ARL15: variants seen among roughly 807,000 people sequenced by gnomAD.
ARL15 encodes ADP-ribosylation factor-like protein 15.
Under a neutral mutation model 25.2 loss-of-function variants are expected in ARL15, and 19 were observed. The ratio of observed to expected loss-of-function variants is 0.75; its 90% CI spans 0.53 to 1.10. The LOEUF (loss-of-function observed/expected upper bound fraction) is 1.10, where lower values mean the gene tolerates loss of function less well. Ranked by LOEUF, ARL15 falls within the 50% of genes least tolerant of loss-of-function variation. The pLI is 0.00. For synonymous variants in ARL15, 94 were observed against 86.8 expected (o/e 1.08, Z -0.46); for missense variants, 220 against 246.0 (o/e 0.89, Z 0.71).
intron 3 of ARL15, among the ~76,000 whole-genome samples, chr5:54,131,757 T>A (rs940558987): frequency 1.3e-5 from 2 of 152,160 alleles, no homozygotes; most frequent in African/African-American, 4.8e-5. Flanking sequence ...ATCACCAGAA[T>A]TACTGAGTAT....
In ARL15 at chr5:54,214,426, T is replaced by C. The variant is rs557999862; in HGVS notation, c.49-42498A>G. ...CTTCCTTTGAAAAATGCTGGAGCTT[T>C]TCACCTCCGCAAAGCTTTTTTCCCT... is the stretch of plus-strand genomic sequence containing the variant. On this transcript the variant is annotated intron_variant, in intron 1 of 4. Transcript: ENST00000504924. Among the ~76,000 whole-genome samples the C allele has an allele frequency of 1.4e-4, 22 of 152,300 alleles. 1 individual carries two copies. In the South Asian group the frequency reaches 4.6e-3, roughly 32 times the overall value.
At chr5:54,107,194 T>A (rs1752614295) in intron 4 of ARL15, among the ~76,000 whole-genome samples, 1 of 152,064 alleles carries the variant, frequency 6.6e-6, no homozygotes, top group African/African-American at 2.4e-5. Flanking sequence ...ACCACGAGAA[T>A]AGCACAGGAA....
intron 4 of ARL15, among the ~76,000 whole-genome samples, chr5:54,088,237 C>T (rs1472089242): frequency 6.6e-6 from 1 of 151,952 alleles, no homozygotes; most frequent in Non-Finnish European, 1.5e-5. Flanking sequence ...ATTGTCAGGA[C>T]AAAGATATGT....
At chr5:53,925,997 CTTTTTTTTTTTTT>C (rs70986651) in intron 4 of ARL15, among the ~76,000 whole-genome samples, 5 of 122,796 alleles carry the variant, frequency 4.1e-5, no homozygotes, top group Non-Finnish European at 8.5e-5. Flanking sequence ...TTTTTTCTTT[CTTTTTTTTTTTTT>C]TTTTTTTTTA....
chr5:54,174,131 T>C (rs555417804), intron 1 of ARL15, among the ~76,000 whole-genome samples: 1 of 152,132 alleles, frequency 6.6e-6, no homozygotes, highest in Non-Finnish European at 1.5e-5. Context: ...TTCATCTCAG[T>C]ACTCCCAGTG....
chr5:53,948,831 G>C (rs1746839703), intron 4 of ARL15, among the ~76,000 whole-genome samples: 1 of 152,112 alleles, frequency 6.6e-6, no homozygotes, highest in African/African-American at 2.4e-5. Context: ...TCACTTCACT[G>C]AGAAGTACTG....
intron 4 of ARL15, among the ~76,000 whole-genome samples, chr5:53,920,128 C>G (rs926190262): frequency 6.6e-6 from 1 of 152,150 alleles, no homozygotes; most frequent in African/African-American, 2.4e-5. Context: ...AAATGGAAGT[C>G]TCATGCTAAA....
chr5:54,297,932 G>A (rs932990766), intron 1 of ARL15, among the ~76,000 whole-genome samples: 5 of 152,168 alleles, frequency 3.3e-5, no homozygotes, highest in South Asian at 2.1e-4. Flanking sequence ...ACAGGTGCAC[G>A]CTGCCACGCC....
chr5:53,992,826 C>A (rs1013446764), intron 4 of ARL15, among the ~76,000 whole-genome samples: 1 of 119,492 alleles, frequency 8.4e-6, no homozygotes, highest in African/African-American at 3.1e-5. Flanking sequence ...TTTGGGAGGC[C>A]GAGGTGGGTC....
At chr5:54,023,070 A>T (rs1749665845) in intron 4 of ARL15, among the ~76,000 whole-genome samples, 1 of 152,212 alleles carries the variant, frequency 6.6e-6, no homozygotes, top group South Asian at 2.1e-4. Context: ...GAACCTGCAG[A>T]CTGAAAAACA....
At chr5:54,115,898 C>CT in intron 3 of ARL15, among the ~76,000 whole-genome samples, 2 of 152,256 alleles carry the variant, frequency 1.3e-5, no homozygotes, top group African/African-American at 4.8e-5. Context: ...CATCTTAGGT[C>CT]CGGTTCCCTA....
intron 4 of ARL15, among the ~76,000 whole-genome samples, chr5:54,065,253 T>A (rs1156506334): frequency 2.0e-5 from 3 of 152,236 alleles, no homozygotes; most frequent in Non-Finnish European, 4.4e-5. Context: ...TAATAATTTG[T>A]CATTAATGCA....
At chr5:54,081,395 T>C (rs546335925) in intron 4 of ARL15, among the ~76,000 whole-genome samples, 15 of 152,154 alleles carry the variant, frequency 9.9e-5, no homozygotes, top group Non-Finnish European at 2.1e-4. Flanking sequence ...AACAGTCCCT[T>C]ACCACCGCTC....
chr5:54,168,158 C>G (rs1395204188), intron 2 of ARL15, among the ~76,000 whole-genome samples: 1 of 152,166 alleles, frequency 6.6e-6, no homozygotes, highest in Non-Finnish European at 1.5e-5. Context: ...AACAGACATT[C>G]AATGAATGTG....
At chr5:54,233,675 A>G (rs992569567) in intron 1 of ARL15, among the ~76,000 whole-genome samples, 1 of 152,270 alleles carries the variant, frequency 6.6e-6, no homozygotes, top group Non-Finnish European at 1.5e-5. Context: ...CAGGTTCCAC[A>G]TGGCAACTAG....
rs10045943 is a variant in ARL15, at chr5:53,929,337, T to C, written c.463-42624A>G. Among the ~76,000 whole-genome samples the C allele has an allele frequency of 3.9e-3, 595 of 152,272 alleles. 5 individuals are homozygous for C. The highest frequency in any genetic ancestry group is 0.013 in the African/African-American group (559 of 41,544). On this transcript the variant is annotated intron_variant, in intron 4 of 4. Coordinates refer to ENST00000504924, the MANE Select transcript of ARL15 (RefSeq NM_019087.3). ...GAGTTATGTAAAGTATTGGTGGTTG[T>C]AGTCATTTGAGAAAAGTACAACCCG...
At chr5:54,106,777 C>T (rs1039616252) in intron 4 of ARL15, among the ~76,000 whole-genome samples, 5 of 151,788 alleles carry the variant, frequency 3.3e-5, no homozygotes, top group Admixed American at 1.3e-4. Flanking sequence ...ACCACAGAGA[C>T]ATAAACAAGC....
intron 4 of ARL15, among the ~76,000 whole-genome samples, chr5:53,957,417 C>T (rs1747195333): frequency 1.3e-5 from 2 of 151,492 alleles, no homozygotes; most frequent in Admixed American, 6.6e-5. Context: ...AAACCAGCAC[C>T]GAGAAGGTTT....
At chr5:54,117,596 C>A (rs933981108) in intron 3 of ARL15, among the ~76,000 whole-genome samples, 1 of 152,062 alleles carries the variant, frequency 6.6e-6, no homozygotes. Flanking sequence ...TTAAAATATT[C>A]TATGTGACTA....
Sources: gnomAD v4.1 joint callset for allele counts (sites outside exome capture counted in the v4.1 genomes callset) on GRCh38, gnomAD v4.1.1 for gene constraint, MANE v1.5 for transcripts, NCBI Gene and HGNC (gene_info 2026-07-23, HGNC 2026-07-21) for gene names.